The following CEP192 variants were observed in gnomAD, a reference collection of about 807,000 sequenced individuals.
The protein encoded by CEP192 is centrosomal protein 192, also known as centrosomal protein of 192 kDa.
CEP192 carries 151 observed loss-of-function variants against 271.8 expected under a neutral mutation model. The ratio of observed to expected loss-of-function variants is 0.56; its 90% CI spans 0.49 to 0.64. The LOEUF (loss-of-function observed/expected upper bound fraction) is 0.64. CEP192 is among the 30% of genes least tolerant of loss of function. The pLI is 0.00. For missense variants in CEP192, 2,910 were observed against 3,020.5 expected (o/e 0.96, Z 0.86); for synonymous variants, 995 against 1,076.5 (o/e 0.92, Z 1.48).
chr18:13,102,440 C>A (rs968393330), intron 38 of CEP192, among the ~76,000 whole-genome samples: 5 of 152,146 alleles, frequency 3.3e-5, no homozygotes, highest in African/African-American at 1.2e-4. Context: ...TAAGAAGCAT[C>A]TTCCTCGGCC....
chr18:13,114,306 A>G, intron 42 of CEP192, 55 bp downstream of exon 42: 1 of 1,576,310 alleles, frequency 6.3e-7, no homozygotes, highest in Non-Finnish European at 8.6e-7. Context: ...ATTGAGGAAT[A>G]GAGTCAGTAA....
intron 30 of CEP192, among the ~76,000 whole-genome samples, chr18:13,083,233 T>C (rs1774032648): frequency 1.3e-5 from 2 of 152,258 alleles, no homozygotes; most frequent in African/African-American, 4.8e-5. Context: ...TTGGTTCCAT[T>C]CTTCCTGTCA....
chr18:13,012,825 C>A, intron 4 of CEP192, 148 bp from the exon 5 acceptor site: 1 of 452,484 alleles, frequency 2.2e-6, no homozygotes. Flanking sequence ...AAACATGTAA[C>A]TGACCTATGA....
intron 3 of CEP192, among the ~76,000 whole-genome samples, chr18:13,003,019 G>C (rs917336714): frequency 1.2e-4 from 19 of 152,140 alleles, no homozygotes; most frequent in Admixed American, 1.0e-3. Flanking sequence ...GACTAAAACA[G>C]ATGTTAAACA....
At chr18:13,006,679 A>T (rs1405657757) in intron 3 of CEP192, among the ~76,000 whole-genome samples, 4 of 151,914 alleles carry the variant, frequency 2.6e-5, no homozygotes, top group African/African-American at 9.7e-5. Flanking sequence ...TAGGCTGCCT[A>T]GTGTGGGCAT....
intron 15 of CEP192, among the ~76,000 whole-genome samples, chr18:13,045,997 A>G (rs1481808082): frequency 6.6e-6 from 1 of 152,198 alleles, no homozygotes; most frequent in East Asian, 1.9e-4. Flanking sequence ...GACAGTCTGT[A>G]TTAGCCTGTT....
chr18:13,012,434 G>A (rs1488874772), intron 4 of CEP192, among the ~76,000 whole-genome samples: 1 of 152,094 alleles, frequency 6.6e-6, no homozygotes, highest in Non-Finnish European at 1.5e-5. Context: ...ATTTCAGTAT[G>A]CATCTCCAAA....
chr18:13,120,944 T>A (rs1356535054), intron 44 of CEP192, among the ~76,000 whole-genome samples: 1 of 152,212 alleles, frequency 6.6e-6, no homozygotes, highest in Non-Finnish European at 1.5e-5. Context: ...AAACACTGGC[T>A]CCTTTGTAAC....
At chr18:12,993,839 C>T (rs971730624) in intron 1 of CEP192, among the ~76,000 whole-genome samples, 1 of 152,148 alleles carries the variant, frequency 6.6e-6, no homozygotes, top group African/African-American at 2.4e-5. Flanking sequence ...AAATAATTAG[C>T]ACATTACCTA....
At chr18:13,094,113 A>G (rs564763814) in intron 34 of CEP192, among the ~76,000 whole-genome samples, 1 of 152,316 alleles carries the variant, frequency 6.6e-6, no homozygotes, top group Admixed American at 6.5e-5. Flanking sequence ...TTCTTGGTGC[A>G]TCTTCTCAGG....
At chr18:13,053,855 A>AT (rs1407987885) in intron 18 of CEP192, among the ~76,000 whole-genome samples, 2 of 151,872 alleles carry the variant, frequency 1.3e-5, no homozygotes, top group Non-Finnish European at 2.9e-5. Context: ...ACACCTGGCT[A>AT]ATTTTTCATT....
chr18:13,068,751 A>G (rs1013431351), intron 24 of CEP192, 101 bp from the exon 25 acceptor site: 6 of 1,248,544 alleles, frequency 4.8e-6, no homozygotes, highest in Non-Finnish European at 5.7e-6. Context: ...GCTTGCCTAA[A>G]TTTTCTTATT....
At chr18:13,002,162 G>A (rs2033687955) in intron 3 of CEP192, among the ~76,000 whole-genome samples, 5 of 152,104 alleles carry the variant, frequency 3.3e-5, no homozygotes, top group African/African-American at 1.2e-4. Flanking sequence ...ACTAACTAGA[G>A]AACAGCCATT....
At position 12,999,514 on chromosome 18, in the gene CEP192, C is replaced by A; in HGVS notation, c.90C>A (p.Val30=). 6 of 1,550,994 alleles carry A rather than the reference C, an allele frequency of 3.9e-6. No individual in the cohort carries two copies. The highest frequency in any genetic ancestry group is 5.2e-6 in the Non-Finnish European group (6 of 1,146,676). Residue 30 remains valine, a synonymous_variant, in exon 2 of 45, where the codon GTC becomes GTA. Coordinates refer to ENST00000506447, the MANE Select transcript of CEP192 (RefSeq NM_032142.4). ...LFGNSGILEN[V]TLSSNLGLPV... is the part of the protein sequence containing the mutation. ...GTAACAGTGGGATTTTGGAAAATGTCACTCTTTCTTCAAATCTTGGCTTGC... is the reference window on the plus strand; with the variant it reads ...GTAACAGTGGGATTTTGGAAAATGTAACTCTTTCTTCAAATCTTGGCTTGC...
In CEP192 at chr18:13,015,432, C is replaced by G. The variant is rs922134789; in HGVS notation, c.624C>G (p.Ser208Arg). ...LENEKLILPT[S>R]LEDSSDDDID... is the part of the protein sequence containing the mutation. Reference sequence around the variant, plus strand: ...ATGAGAAACTTATCTTACCGACAAGCTTGGAAGATTCTTCTGGTACTGCAG... The same window carrying G: ...ATGAGAAACTTATCTTACCGACAAGGTTGGAAGATTCTTCTGGTACTGCAG... Residue 208 changes from serine (S) to arginine (R), a missense_variant, in exon 6 of 45, where the codon AGC becomes AGG. Transcript: ENST00000506447. The G allele has an allele frequency of 1.9e-6, 3 of 1,551,154 alleles. No homozygotes were observed. In the African/African-American group the frequency reaches 4.1e-5, roughly 21 times the overall value.
At chr18:13,011,357 C>T (rs1463911307) in intron 4 of CEP192, among the ~76,000 whole-genome samples, 1 of 152,010 alleles carries the variant, frequency 6.6e-6, no homozygotes, top group Non-Finnish European at 1.5e-5. Context: ...TTGAAATCCT[C>T]ATACATTATT....
At chr18:13,062,368 A>G (rs1268304789) in intron 21 of CEP192, among the ~76,000 whole-genome samples, 1 of 152,204 alleles carries the variant, frequency 6.6e-6, no homozygotes, top group African/African-American at 2.4e-5. Context: ...TTACTTTCTC[A>G]ACGTGATAAA....
At chr18:13,029,435 G>A (rs1051020348) in intron 9 of CEP192, among the ~76,000 whole-genome samples, 1 of 152,170 alleles carries the variant, frequency 6.6e-6, no homozygotes, top group African/African-American at 2.4e-5. Flanking sequence ...TAAATCTCTT[G>A]ATGTGTTTCC....
chr18:13,037,519 C>T (rs537609248), intron 12 of CEP192, among the ~76,000 whole-genome samples: 1 of 152,174 alleles, frequency 6.6e-6, no homozygotes, highest in South Asian at 2.1e-4. Context: ...ATCTTTAATT[C>T]ACTTAGAATT....
Sources: gnomAD v4.1 joint callset for allele counts (sites outside exome capture counted in the v4.1 genomes callset) on GRCh38, gnomAD v4.1.1 for gene constraint, MANE v1.5 for transcripts, NCBI Gene and HGNC (gene_info 2026-07-23, HGNC 2026-07-21) for gene names.